The following PCDHA10 variants were observed in gnomAD, a reference collection of about 807,000 sequenced individuals.
The protein encoded by PCDHA10 is protocadherin alpha 10, also known as protocadherin alpha-10.
Under a neutral mutation model 61.2 loss-of-function variants are expected in PCDHA10, and 45 were observed. The observed-to-expected ratio is 0.74, with a 90% CI of 0.58 to 0.94. The LOEUF (loss-of-function observed/expected upper bound fraction) is 0.94, where lower values mean the gene tolerates loss of function less well. Ranked by LOEUF, PCDHA10 falls within the 40% of genes least tolerant of loss-of-function variation. PCDHA10 has a pLI of 0.00. For missense variants in PCDHA10, 1,278 were observed against 1,236.2 expected, an observed-to-expected ratio of 1.03 and a Z score of -0.51; for synonymous variants, 602 against 548.8, an observed-to-expected ratio of 1.10 and a Z score of -1.35.
chr5:140,949,111 T>C (rs1316111436), intron 1 of PCDHA10, among the ~76,000 whole-genome samples: 1 of 151,772 alleles, frequency 6.6e-6, no homozygotes, highest in African/African-American at 2.4e-5. Context: ...AGTTTACAAA[T>C]ATTTTTGGTT....
chr5:140,874,018 G>A (rs1033387450), intron 1 of PCDHA10, among the ~76,000 whole-genome samples: 2 of 152,114 alleles, frequency 1.3e-5, no homozygotes, highest in Admixed American at 1.3e-4. Context: ...TTTTGAAAAT[G>A]AAAAATAGGA....
At position 140,959,344 on chromosome 5, in the gene PCDHA10, C is replaced by T. The variant is rs541663379; in HGVS notation, c.2389-19605C>T. Among the ~76,000 whole-genome samples the T allele has an allele frequency of 2.0e-4, 30 of 152,112 alleles. No individual in the cohort carries two copies. The South Asian group carries it at 6.0e-3, about 31-fold the overall frequency. On this transcript the variant is annotated intron_variant, in intron 1 of 3. Coordinates refer to ENST00000307360, the MANE Select transcript of PCDHA10 (RefSeq NM_018901.4). Reference sequence around the variant, plus strand: ...AAGTTTTGATTATGCTACTGCACTCCAGCGGGACAACTGAGTGAGACCCTG... The same window carrying T: ...AAGTTTTGATTATGCTACTGCACTCTAGCGGGACAACTGAGTGAGACCCTG...
chr5:141,011,429 A>G lies in PCDHA10; in HGVS notation c.*1492A>G, dbSNP rs1554263477. ...TGTGTATGTGAATGTTAATGCAACT[A>G]TTACCTAGAGTGAACTTTAAGCTTT... On this transcript the variant is annotated 3_prime_UTR_variant, in exon 4 of 4. Coordinates refer to ENST00000307360, the MANE Select transcript of PCDHA10 (RefSeq NM_018901.4). 1.3e-5 allele frequency: 2 copies of G among 153,758 alleles called. No homozygotes were observed. Among genetic ancestry groups the G allele is most frequent in the Non-Finnish European group, 2.9e-5 (2 of 68,036 alleles). 9.5% of individuals were successfully genotyped at this position (153,758 alleles called of 1,614,324 possible).
intron 1 of PCDHA10, among the ~76,000 whole-genome samples, chr5:140,886,844 A>AAAAG (rs1232979230): frequency 8.6e-5 from 13 of 150,634 alleles, no homozygotes; most frequent in African/African-American, 1.2e-4. Flanking sequence ...AAAAAAAAAA[A>AAAAG]AAAGAAAGGT....
At chr5:140,951,431 G>A (rs1003684083) in intron 1 of PCDHA10, among the ~76,000 whole-genome samples, 1 of 152,044 alleles carries the variant, frequency 6.6e-6, no homozygotes, top group Non-Finnish European at 1.5e-5. Context: ...TCCACAGGCT[G>A]TAGGAAGCAT....
intron 1 of PCDHA10, chr5:140,868,880 A>G (rs1384235072): frequency 1.4e-6 from 1 of 698,244 alleles, no homozygotes; most frequent in Non-Finnish European, 2.3e-6. Flanking sequence ...CAGTACTCAC[A>G]GTTTTAGGCG....
At chr5:140,938,218 T>A (rs1050033125) in intron 1 of PCDHA10, among the ~76,000 whole-genome samples, 3 of 152,210 alleles carry the variant, frequency 2.0e-5, no homozygotes, top group Admixed American at 2.0e-4. Context: ...AGTGCTGGGA[T>A]TACAGGCATA....
intron 1 of PCDHA10, among the ~76,000 whole-genome samples, chr5:140,918,002 A>G (rs2153546564): frequency 1.3e-5 from 2 of 152,244 alleles, no homozygotes; most frequent in South Asian, 4.2e-4. Context: ...TATCTTAACA[A>G]TGTTGTTTCT....
In PCDHA10 at chr5:140,856,424, AACG is replaced by A; in HGVS notation, c.379_381del (p.Asp127del). On this transcript the variant is annotated inframe_deletion, in exon 1 of 4. Coordinates refer to ENST00000307360, the MANE Select transcript of PCDHA10 (RefSeq NM_018901.4). ...TGTGGACGTGGAAGTGAAGGACATT[AACG>A]ACAACCCGCCCAGGTTCTCCGTAAC... 1 of 1,598,418 alleles carries A rather than the reference AACG, an allele frequency of 6.3e-7. No individual in the cohort carries two copies. The highest frequency in any genetic ancestry group is 8.6e-7 in the Non-Finnish European group (1 of 1,167,922).
intron 3 of PCDHA10, among the ~76,000 whole-genome samples, chr5:140,986,632 A>T (rs1262339478): frequency 6.6e-6 from 1 of 152,170 alleles, no homozygotes; most frequent in African/African-American, 2.4e-5. Flanking sequence ...AGGCAACAGT[A>T]CATTAGTTTT....
At chr5:140,968,173 C>T (rs782043932) in intron 1 of PCDHA10, 10 of 1,614,104 alleles carry the variant, frequency 6.2e-6, no homozygotes, top group Admixed American at 1.7e-5. Flanking sequence ...CACCAAGCTT[C>T]CTGGAGGACT....
At chr5:140,949,264 G>T (rs139292588) in intron 1 of PCDHA10, among the ~76,000 whole-genome samples, 2 of 151,666 alleles carry the variant, frequency 1.3e-5, no homozygotes, top group African/African-American at 2.4e-5. Flanking sequence ...AACATATCAC[G>T]TGCACTTGAA....
chr5:140,930,591 CAT>C (rs1554207939), intron 1 of PCDHA10: 1 of 152,406 alleles, frequency 6.6e-6, no homozygotes, highest in African/African-American at 2.4e-5. Flanking sequence ...TTTGACTTCT[CAT>C]AGAAATCCTA....
At position 140,943,102 on chromosome 5, in the gene PCDHA10, A is replaced by G. The variant is rs142380810; in HGVS notation, c.2389-35847A>G. 2.6e-3 allele frequency among the ~76,000 whole-genome samples: 391 copies of G among 151,972 alleles called. 4 individuals are homozygous for G. In the East Asian group the frequency reaches 0.045, roughly 17 times the overall value. ...TGAAATCCTGCCTCTACTAAAAAAT[A>G]CAAAAATTAGCCAGGTGTGGTAGTG... On this transcript the variant is annotated intron_variant, in intron 1 of 3. Transcript: ENST00000307360.
chr5:140,884,449 C>T, intron 1 of PCDHA10: 1 of 1,613,826 alleles, frequency 6.2e-7, no homozygotes, highest in Non-Finnish European at 8.5e-7. Context: ...CGGCACCGCC[C>T]ACCGAGGGCG....
At chr5:140,893,141 C>A (rs1412974583) in intron 1 of PCDHA10, among the ~76,000 whole-genome samples, 1 of 152,192 alleles carries the variant, frequency 6.6e-6, no homozygotes, top group African/African-American at 2.4e-5. Flanking sequence ...TTTATCCACT[C>A]ATCTGTTGAT....
intron 1 of PCDHA10, chr5:140,859,687 T>G (rs1196528150): frequency 1.3e-5 from 2 of 154,650 alleles, no homozygotes; most frequent in Non-Finnish European, 2.9e-5. Flanking sequence ...AAATTAAAAT[T>G]ATTGTTCAAG....
chr5:140,887,670 C>T (rs368430565), intron 1 of PCDHA10, among the ~76,000 whole-genome samples: 1 of 151,988 alleles, frequency 6.6e-6, no homozygotes, highest in Non-Finnish European at 1.5e-5. Context: ...GTGGATTTAT[C>T]ATTTTCATCA....
chr5:140,884,791 C>T, intron 1 of PCDHA10: 1 of 1,319,574 alleles, frequency 7.6e-7, no homozygotes, highest in Non-Finnish European at 1.0e-6. Context: ...TAGTTGTTAT[C>T]GAATTTAACA....
Sources: allele counts gnomAD v4.1 joint callset (sites outside exome capture counted in the v4.1 genomes callset), GRCh38; gene constraint gnomAD v4.1.1; transcripts MANE v1.5; gene names NCBI Gene and HGNC (gene_info 2026-07-23, HGNC 2026-07-21).